The following TRRAP variants were observed in gnomAD, a reference collection of about 807,000 sequenced individuals.
TRRAP encodes the protein transformation/transcription domain associated protein.
A neutral mutation model predicts 438.8 loss-of-function variants in TRRAP; 41 were observed. That is an observed-to-expected ratio of 0.09 (90% CI 0.07 to 0.12). TRRAP has a LOEUF of 0.12. Among genes scored for constraint, TRRAP ranks in the 10% least tolerant of loss-of-function variants. The probability of loss-of-function intolerance (pLI) is 1.00; values close to 1 mark genes in which losing one functional copy is unlikely to be tolerated. For synonymous variants in TRRAP, 1,994 were observed against 1,962.9 expected, an observed-to-expected ratio of 1.02 and a Z score of -0.42; for missense variants, 3,122 against 5,055.1, an observed-to-expected ratio of 0.62 and a Z score of 11.60.
intron 19 of TRRAP, 36 bp from the exon 20 acceptor site, chr7:98,917,387 G>A (rs564614069): frequency 6.9e-6 from 11 of 1,603,028 alleles, no homozygotes; most frequent in East Asian, 6.7e-5. Flanking sequence ...TCTGGGGAGC[G>A]TCTTCCCTCT....
At chr7:98,886,435 T>G (rs185036094) in intron 3 of TRRAP, among the ~76,000 whole-genome samples, 4 of 152,072 alleles carry the variant, frequency 2.6e-5, no homozygotes, top group Admixed American at 6.6e-5. Context: ...TCTAGAGAGA[T>G]ATAGATATCT....
At chr7:98,903,570 T>C (rs1422403654) in intron 12 of TRRAP, 53 bp downstream of exon 12, 6 of 1,605,712 alleles carry the variant, frequency 3.7e-6, no homozygotes, top group South Asian at 3.3e-5. Flanking sequence ...GTGGCCATCT[T>C]TGGGGACTCG....
intron 19 of TRRAP, among the ~76,000 whole-genome samples, chr7:98,916,947 C>G (rs1789544534): frequency 6.6e-6 from 1 of 152,130 alleles, no homozygotes; most frequent in East Asian, 1.9e-4. Context: ...CTTTCTCTTT[C>G]TAGCCAGCCT....
intron 8 of TRRAP, 80 bp from the exon 9 acceptor site, chr7:98,899,342 G>A (rs1254645890): frequency 2.6e-6 from 3 of 1,140,172 alleles, no homozygotes; most frequent in Non-Finnish European, 4.0e-6. Flanking sequence ...CTTTCAGTGG[G>A]TGATGCTCAG....
At chr7:98,935,336 CATG>C (rs1298091915) in intron 27 of TRRAP, among the ~76,000 whole-genome samples, 58 of 152,144 alleles carry the variant, frequency 3.8e-4, no homozygotes, top group Admixed American at 3.5e-3. Context: ...GAGAAAAAAA[CATG>C]GTGGTATCAG....
At chr7:98,979,588 T>C (rs1191947495) in intron 58 of TRRAP, among the ~76,000 whole-genome samples, 1 of 152,246 alleles carries the variant, frequency 6.6e-6, no homozygotes, top group Non-Finnish European at 1.5e-5. Context: ...GCATTTACGA[T>C]GCTTATTCCT....
intron 69 of TRRAP, among the ~76,000 whole-genome samples, chr7:99,006,273 T>C (rs997485485): frequency 4.6e-5 from 7 of 152,218 alleles, no homozygotes; most frequent in Admixed American, 1.3e-4. Flanking sequence ...TATCTAGTCC[T>C]TTATGGAACT....
chr7:98,943,455 G>A (rs1159131461), intron 31 of TRRAP, among the ~76,000 whole-genome samples: 6 of 152,124 alleles, frequency 3.9e-5, no homozygotes, highest in African/African-American at 1.2e-4. Context: ...AAAACCAACT[G>A]GTTTTTGGGA....
intron 20 of TRRAP, among the ~76,000 whole-genome samples, chr7:98,920,918 A>G (rs1365409069): frequency 6.6e-6 from 1 of 151,912 alleles, no homozygotes; most frequent in African/African-American, 2.4e-5. Flanking sequence ...TGGCTCACCA[A>G]AACCTCCGCC....
At chr7:98,968,179 C>T (rs1044568335) in intron 51 of TRRAP, among the ~76,000 whole-genome samples, 1 of 152,074 alleles carries the variant, frequency 6.6e-6, no homozygotes, top group African/African-American at 2.4e-5. Flanking sequence ...TAACCACACC[C>T]GGCTGATTTT....
chr7:98,910,615 A>G lies in TRRAP; in HGVS notation c.1812+8A>G. 1 of 1,606,178 alleles carries G rather than the reference A, an allele frequency of 6.2e-7. No homozygotes were observed. The highest frequency in any genetic ancestry group is 8.5e-7 in the Non-Finnish European group (1 of 1,176,370). On this transcript the variant is annotated splice_region_variant and intron_variant, in intron 16 of 72. Coordinates refer to ENST00000456197, the MANE Select transcript of TRRAP (RefSeq NM_001375524.1). The stretch of plus-strand genomic sequence containing the variant: ...GCTTTAGATATTTATCAGGTAAGGA[A>G]GTGCCCTCCAGCCAGGCTTTCGCAT...
intron 30 of TRRAP, among the ~76,000 whole-genome samples, chr7:98,939,303 AGAG>A (rs1790690537): frequency 6.6e-6 from 1 of 152,178 alleles, no homozygotes; most frequent in Non-Finnish European, 1.5e-5. Context: ...TTATGTAGAG[AGAG>A]ATATTGCAGG....
intron 26 of TRRAP, among the ~76,000 whole-genome samples, chr7:98,932,390 G>A (rs991517981): frequency 6.6e-6 from 1 of 152,154 alleles, no homozygotes; most frequent in South Asian, 2.1e-4. Flanking sequence ...TGGGATTACA[G>A]GCATGAGCCA....
Position 98,993,746 on chromosome 7 carries a change from C to G in TRRAP, c.10047+9C>G. 1 of 1,614,092 alleles carries G rather than the reference C, an allele frequency of 6.2e-7. No individual in the cohort carries two copies. The highest frequency in any genetic ancestry group is 8.5e-7 in the Non-Finnish European group (1 of 1,179,932). The stretch of plus-strand genomic sequence containing the variant: ...AAAATTGGCATGAAGAGGTATTTGG[C>G]TCTGATCTTGCACATGGTGGCTCCT... On this transcript the variant is annotated intron_variant, in intron 66 of 72. Coordinates refer to ENST00000456197, the MANE Select transcript of TRRAP (RefSeq NM_001375524.1).
chr7:98,932,330 G>T (rs747516094), intron 26 of TRRAP, among the ~76,000 whole-genome samples: 14 of 152,066 alleles, frequency 9.2e-5, no homozygotes, highest in Non-Finnish European at 1.8e-4. Context: ...AGCTAGGGTG[G>T]TCTCGGTCTT....
chr7:98,923,043 T>C (rs1179295076), intron 21 of TRRAP, among the ~76,000 whole-genome samples: 1 of 152,082 alleles, frequency 6.6e-6, no homozygotes, highest in African/African-American at 2.4e-5. Flanking sequence ...TCCCCAGCCC[T>C]CCCCAACTCC....
In TRRAP at chr7:98,918,674, T is replaced by C. The variant is rs372978457; in HGVS notation, c.2622+995T>C. Among the ~76,000 whole-genome samples the C allele has an allele frequency of 8.5e-5, 13 of 152,314 alleles. No individual in the cohort carries two copies. In the East Asian group the frequency reaches 1.7e-3, roughly 20 times the overall value. ...GGATATTGACTCTAAAGGAAAGATA[T>C]AGGTGTTTGCTCCACCCTACCCAAA... On this transcript the variant is annotated intron_variant, in intron 20 of 72. Transcript: ENST00000456197.
intron 16 of TRRAP, 57 bp from the exon 17 acceptor site, chr7:98,911,020 C>T: frequency 2.0e-6 from 3 of 1,487,644 alleles, no homozygotes; most frequent in South Asian, 1.3e-5. Context: ...CATAATGGAA[C>T]ATATTCAGAG....
At chr7:98,950,605 C>T (rs1791290218) in intron 38 of TRRAP, among the ~76,000 whole-genome samples, 1 of 152,172 alleles carries the variant, frequency 6.6e-6, no homozygotes, top group Non-Finnish European at 1.5e-5. Flanking sequence ...AGGAGTGACC[C>T]AGTGTTGAAG....
Sources: gnomAD v4.1 joint callset for allele counts (sites outside exome capture counted in the v4.1 genomes callset) on GRCh38, gnomAD v4.1.1 for gene constraint, MANE v1.5 for transcripts, NCBI Gene and HGNC (gene_info 2026-07-23, HGNC 2026-07-21) for gene names.